Variants in OTOGL observed in about 807,000 individuals in gnomAD.
OTOGL encodes otogelin-like protein.
Under a neutral mutation model 318.5 loss-of-function variants are expected in OTOGL, and 285 were observed. That is an observed-to-expected ratio of 0.89 (90% confidence interval 0.81 to 0.99). OTOGL has a LOEUF of 0.99. OTOGL is among the 50% of genes least tolerant of loss of function. OTOGL has a pLI of 0.00. For synonymous variants in OTOGL, 987 were observed against 936.5 expected (o/e 1.05, Z -0.99); for missense variants, 2,899 against 2,845.6 (o/e 1.02, Z -0.43).
At chr12:80,142,203 G>T (rs1027594557) in intron 1 of OTOGL, among the ~76,000 whole-genome samples, 1 of 152,132 alleles carries the variant, frequency 6.6e-6, no homozygotes, top group African/African-American at 2.4e-5. Flanking sequence ...AAGTTTTCTA[G>T]CTAAAACAAA....
intron 4 of OTOGL, among the ~76,000 whole-genome samples, chr12:80,217,336 A>C (rs545088585): frequency 6.6e-6 from 1 of 152,268 alleles, no homozygotes; most frequent in South Asian, 2.1e-4. Context: ...TGAGAACAGA[A>C]CAGAGAGCAG....
intron 57 of OTOGL, among the ~76,000 whole-genome samples, chr12:80,375,937 A>AG (rs1891154636): frequency 6.6e-6 from 1 of 152,116 alleles, no homozygotes; most frequent in African/African-American, 2.4e-5. Context: ...TAGGAGACTG[A>AG]GGAGGAGCCA....
Position 80,310,711 on chromosome 12 carries a change from C to T in OTOGL, c.3434C>T (p.Ala1145Val), listed in dbSNP as rs374368341. 118 of 1,575,004 alleles carry T rather than the reference C, an allele frequency of 7.5e-5. No individual in the cohort carries two copies. Among genetic ancestry groups the T allele is most frequent in the Admixed American group, 3.2e-4 (19 of 59,900 alleles). ...TCCATTTTGTACAGTGATATTTTTG[C>T]TTCTTGTCGCAATGTGGTAAATGAA... ...ECSILYSDIFASCRNVIDVTS... is the reference protein window; with the variant it reads ...ECSILYSDIFVSCRNVIDVTS... The change falls in exon 30 of 59, where the codon GCT becomes GTT. Residue 1145 changes from alanine (A) to valine (V), a missense_variant. Ala to Val is a moderately conservative substitution (Grantham distance 64). Coordinates refer to ENST00000547103, the MANE Select transcript of OTOGL (RefSeq NM_001378609.3).
chr12:80,237,278 A>G (rs1245218730), intron 9 of OTOGL, among the ~76,000 whole-genome samples: 1 of 152,222 alleles, frequency 6.6e-6, no homozygotes, highest in Non-Finnish European at 1.5e-5. Flanking sequence ...CTGCCTTCAT[A>G]TAGTATGTAT....
intron 31 of OTOGL, among the ~76,000 whole-genome samples, chr12:80,314,091 C>T (rs922173967): frequency 2.6e-5 from 4 of 152,006 alleles, no homozygotes; most frequent in Admixed American, 6.6e-5. Flanking sequence ...TCTAAATTGG[C>T]AATATATTTT....
At chr12:80,229,203 A>T in intron 7 of OTOGL, 54 bp from the exon 8 acceptor site, 1 of 1,548,790 alleles carries the variant, frequency 6.5e-7, no homozygotes, top group Middle Eastern at 1.8e-4. Context: ...TGGTTTTAAT[A>T]ACTCAGATTT....
chr12:80,362,864 T>C (rs755321552), intron 52 of OTOGL, among the ~76,000 whole-genome samples: 4 of 148,870 alleles, frequency 2.7e-5, no homozygotes, highest in Non-Finnish European at 5.9e-5. Context: ...ATAATGACCA[T>C]AAAACCCTCT....
intron 1 of OTOGL, among the ~76,000 whole-genome samples, chr12:80,197,122 G>A (rs992539270): frequency 1.3e-4 from 20 of 152,040 alleles, no homozygotes; most frequent in Non-Finnish European, 1.0e-4. Context: ...TCAGCCAATT[G>A]CCAATCAGAA....
chr12:80,311,954 G>A (rs12582116), intron 30 of OTOGL, among the ~76,000 whole-genome samples: 4,464 of 152,088 alleles, frequency 0.029, 159 homozygotes, highest in Admixed American at 0.098. Context: ...AGATCTGCAC[G>A]GGTCCATAAA....
intron 1 of OTOGL, among the ~76,000 whole-genome samples, chr12:80,111,854 C>G (rs955896204): frequency 4.6e-5 from 7 of 152,164 alleles, no homozygotes; most frequent in African/African-American, 1.2e-4. Context: ...GCCATTTTCA[C>G]TATATTGATT....
chr12:80,120,956 A>G (rs1380825149), intron 1 of OTOGL, among the ~76,000 whole-genome samples: 14 of 152,190 alleles, frequency 9.2e-5, no homozygotes, highest in Non-Finnish European at 2.9e-5. Flanking sequence ...TGGCTGAGCA[A>G]GTTTATAACC....
chr12:80,313,522 A>G lies in OTOGL; in HGVS notation c.3497A>G (p.Asn1166Ser), dbSNP rs780244152. The change falls in exon 31 of 59, where the codon AAC (asparagine) becomes AGC (serine). Residue 1166 changes from asparagine to serine, a missense_variant. This residue lies in a region of OTOGL where 2,607 missense variants were observed against 2,524.9 expected (regional missense o/e 1.03). Coordinates refer to ENST00000547103, the MANE Select transcript of OTOGL (RefSeq NM_001378609.3). The part of the protein sequence containing the change: ...FAKNCHEDTC[N>S]CNLGGDCECL... ...AAAAATTGTCATGAAGATACATGTA[A>G]CTGCAATCTTGGTGGCGACTGTGAG... is the stretch of plus-strand genomic sequence containing the variant. 11 of 1,612,530 alleles carry G rather than the reference A, an allele frequency of 6.8e-6. No homozygotes were observed. The East Asian group carries it at 2.5e-4, about 36-fold the overall frequency.
chr12:80,315,789 C>A (rs1241125637), intron 32 of OTOGL, among the ~76,000 whole-genome samples: 2 of 151,968 alleles, frequency 1.3e-5, no homozygotes, highest in Non-Finnish European at 2.9e-5. Context: ...GAGGAAAATT[C>A]AACATTAAAA....
chr12:80,285,075 C>T (rs1392232073), intron 26 of OTOGL, among the ~76,000 whole-genome samples: 3 of 151,966 alleles, frequency 2.0e-5, no homozygotes, highest in African/African-American at 7.3e-5. Flanking sequence ...GGAAGGGGTC[C>T]AGTTTCAGTT....
At position 80,262,017 on chromosome 12, in the gene OTOGL, G is replaced by T; in HGVS notation, c.1938G>T (p.Ala646=). The T allele has an allele frequency of 6.2e-7, 1 of 1,613,120 alleles. No homozygotes were observed. Reference sequence around the variant, plus strand: ...GTACACCACAACTTCACGCAAATGCGTGGAGAGTTTCTTCTACCTGTTTTG... The same window carrying T: ...GTACACCACAACTTCACGCAAATGCTTGGAGAGTTTCTTCTACCTGTTTTG... The part of the protein sequence containing the change: ...IEGTPQLHAN[A]WRVSSTCFAP... The change falls in exon 19 of 59, where the codon GCG becomes GCT. Residue 646 remains alanine, a synonymous_variant. Transcript: ENST00000547103.
chr12:80,307,509 C>T (rs539030036), intron 29 of OTOGL, among the ~76,000 whole-genome samples: 2,562 of 147,960 alleles, frequency 0.017, 70 homozygotes, highest in African/African-American at 0.06. Context: ...CCAGTAGGGG[C>T]GGCCGGGCGG....
intron 18 of OTOGL, among the ~76,000 whole-genome samples, chr12:80,258,814 G>A (rs1882285186): frequency 6.6e-6 from 1 of 152,062 alleles, no homozygotes; most frequent in Admixed American, 6.6e-5. Flanking sequence ...ATAAGGGTCG[G>A]GGTGGGAGTG....
chr12:80,285,696 T>A (rs578100560), intron 26 of OTOGL, among the ~76,000 whole-genome samples: 9 of 152,336 alleles, frequency 5.9e-5, no homozygotes, highest in African/African-American at 1.7e-4. Flanking sequence ...TGTATAAGAA[T>A]GCTTGTGATT....
chr12:80,100,767 C>T (rs891178443), intron 1 of OTOGL, among the ~76,000 whole-genome samples: 1 of 152,136 alleles, frequency 6.6e-6, no homozygotes, highest in African/African-American at 2.4e-5. Flanking sequence ...ATGATTCAGA[C>T]TGGCTGTAGA....
Sources: allele counts gnomAD v4.1 joint callset (sites outside exome capture counted in the v4.1 genomes callset), GRCh38; gene constraint gnomAD v4.1.1; regional missense constraint gnomAD v4.1.1; transcripts MANE v1.5; gene names NCBI Gene and HGNC (gene_info 2026-07-23, HGNC 2026-07-21).